The following WNK3 variants were observed in gnomAD, a reference collection of about 807,000 sequenced individuals.
WNK3 encodes WNK lysine deficient protein kinase 3.
WNK3 carries 18 observed loss-of-function variants against 116.7 expected under a neutral mutation model. The ratio of observed to expected loss-of-function variants is 0.15; its 90% CI spans 0.11 to 0.23. WNK3 has a LOEUF of 0.23. WNK3 is among the 10% of genes least tolerant of loss of function. The pLI is 1.00. For missense variants in WNK3, 993 were observed against 1,323.8 expected (o/e 0.75, Z 3.88); for synonymous variants, 404 against 469.4 (o/e 0.86, Z 1.80).
chrX:54,210,670 T>A (rs1557143581), intron 22 of WNK3, among the ~76,000 whole-genome samples: 1 of 111,306 alleles, frequency 9.0e-6, no homozygotes, highest in Non-Finnish European at 1.9e-5. Flanking sequence ...TTGGAACCCA[T>A]CTAAATATTT....
intron 1 of WNK3, among the ~76,000 whole-genome samples, chrX:54,354,774 AT>A (rs782674628): frequency 8.9e-6 from 1 of 112,207 alleles, no homozygotes; most frequent in African/African-American, 3.2e-5. Context: ...CCCTCTGTTA[AT>A]TATTTTTATT....
At chrX:54,234,825 C>CAA (rs782143289) in intron 20 of WNK3, among the ~76,000 whole-genome samples, 2 of 60,505 alleles carry the variant, frequency 3.3e-5, no homozygotes, top group Non-Finnish European at 3.2e-5. Flanking sequence ...GACTCCGTCT[C>CAA]AAAAAAAAAA....
chrX:54,325,230 G>C lies in WNK3; in HGVS notation c.537+7907C>G, dbSNP rs138338392. ...TAACAGGCTATAGCTCGAGTTGTTA[G>C]ATATCTAAGTGCTATTCAAAGGTCT... On this transcript the variant is annotated intron_variant, in intron 2 of 23. Coordinates refer to ENST00000354646, the Ensembl canonical transcript of WNK3. Among the ~76,000 whole-genome samples the C allele has an allele frequency of 3.5e-3, 392 of 111,184 alleles. 2 individuals carry two copies. Among genetic ancestry groups the C allele is most frequent in the African/African-American group, 0.012 (367 of 30,660 alleles).
chrX:54,239,456 A>AT (rs1169758501), intron 17 of WNK3, among the ~76,000 whole-genome samples: 3 of 111,116 alleles, frequency 2.7e-5, no homozygotes, highest in Non-Finnish European at 5.7e-5. Context: ...AATTTCCTTC[A>AT]TATGTGCCAG....
At chrX:54,301,745 T>A in intron 6 of WNK3, 26 bp downstream of exon 6, 1 of 1,160,176 alleles carries the variant, frequency 8.6e-7, no homozygotes. Flanking sequence ...CTTTCAGTTA[T>A]GTCATTTTGC....
chrX:54,239,218 A>G, intron 17 of WNK3, 119 bp from the exon 18 acceptor site: 1 of 510,924 alleles, frequency 2.0e-6, no homozygotes, highest in Non-Finnish European at 2.9e-6. Context: ...AAAAAAAAAA[A>G]CGGAATTTCT....
At chrX:54,344,955 A>T in intron 1 of WNK3, among the ~76,000 whole-genome samples, 1 of 80,217 alleles carries the variant, frequency 1.2e-5, no homozygotes, top group Middle Eastern at 0.011. Context: ...AAAAAAAAAA[A>T]AAAAAATTTT....
At chrX:54,319,406 G>T (rs1367652521) in intron 2 of WNK3, among the ~76,000 whole-genome samples, 2 of 110,855 alleles carry the variant, frequency 1.8e-5, no homozygotes, top group African/African-American at 6.6e-5. Context: ...CAAGTGATCT[G>T]CCTGCCTCAG....
At chrX:54,226,599 T>C (rs1276414066) in intron 22 of WNK3, among the ~76,000 whole-genome samples, 3 of 109,529 alleles carry the variant, frequency 2.7e-5, no homozygotes, top group Non-Finnish European at 5.7e-5. Context: ...CCCAGCACTT[T>C]GGGAGGCCAA....
At position 54,237,283 on chromosome X, in the gene WNK3, G is replaced by T; in HGVS notation, c.4283C>A (p.Thr1428Asn). 3 of 1,212,212 alleles carry T rather than the reference G, an allele frequency of 2.5e-6. No individual in the cohort carries two copies. The highest frequency in any genetic ancestry group is 3.3e-6 in the Non-Finnish European group (3 of 895,637). Residue 1428 changes from threonine (T) to asparagine (N), a missense_variant, in exon 20 of 24, where the codon ACT (threonine) becomes AAT (asparagine). Transcript: ENST00000354646. ...TTCTGGGGTCACTGAAGATACATCA[G>T]TCTCACAAGCTGCGCTGAAAGATAA...
At chrX:54,248,103 T>C (rs1434246042) in intron 17 of WNK3, among the ~76,000 whole-genome samples, 1 of 109,746 alleles carries the variant, frequency 9.1e-6, no homozygotes, top group Non-Finnish European at 1.9e-5. Flanking sequence ...CCGGGCGTGG[T>C]GGCACGTGCC....
intron 22 of WNK3, among the ~76,000 whole-genome samples, chrX:54,218,570 TAAA>T (rs782541452): frequency 2.4e-3 from 185 of 77,881 alleles, no homozygotes; most frequent in Non-Finnish European, 3.8e-3. Context: ...AAAAAAGAAT[TAAA>T]AAAAAAAAAA....
chrX:54,283,459 T>C (rs1404635640), intron 10 of WNK3, among the ~76,000 whole-genome samples: 2 of 110,094 alleles, frequency 1.8e-5, no homozygotes, highest in Non-Finnish European at 3.8e-5. Context: ...TCACACCCAC[T>C]AGGATGTCTA....
intron 23 of WNK3, among the ~76,000 whole-genome samples, chrX:54,199,583 C>G (rs1033701485): frequency 2.7e-5 from 3 of 112,123 alleles, no homozygotes; most frequent in Non-Finnish European, 1.9e-5. Context: ...CCTGTAATCC[C>G]AGCACTTTGG....
upstream of WNK3, chrX:54,358,546 C>T (rs782109319): frequency 1.3e-4 from 15 of 111,678 alleles, no homozygotes; most frequent in Non-Finnish European, 2.4e-4. Flanking sequence ...CCCATACCTG[C>T]CGGCTTTGGG....
chrX:54,310,459 G>T (rs1358665523), intron 3 of WNK3, among the ~76,000 whole-genome samples: 1 of 109,942 alleles, frequency 9.1e-6, no homozygotes, highest in Non-Finnish European at 1.9e-5. Context: ...AGGTGGGAGG[G>T]TCACTTGAGC....
At chrX:54,277,964 G>A (rs782458120) in intron 10 of WNK3, among the ~76,000 whole-genome samples, 34 of 109,395 alleles carry the variant, frequency 3.1e-4, no homozygotes, top group African/African-American at 1.1e-3. Context: ...ATGGTGGCAT[G>A]CACCTGTAGT....
intron 13 of WNK3, 149 bp downstream of exon 13, chrX:54,253,810 C>T: frequency 2.5e-6 from 1 of 407,172 alleles, no homozygotes; most frequent in Non-Finnish European, 4.3e-6. Context: ...CAGTGACTTA[C>T]ACTTGATGAT....
chrX:54,321,055 C>T (rs1463556669), intron 2 of WNK3, among the ~76,000 whole-genome samples: 15 of 109,491 alleles, frequency 1.4e-4, no homozygotes, highest in Non-Finnish European at 2.1e-4. Context: ...CGCCACCATG[C>T]GCCGCTAATT....
Sources: allele counts gnomAD v4.1 joint callset (sites outside exome capture counted in the v4.1 genomes callset), GRCh38; gene constraint gnomAD v4.1.1; transcripts MANE v1.5; gene names NCBI Gene and HGNC (gene_info 2026-07-23, HGNC 2026-07-21).